Variants in TXK observed in about 807,000 individuals in gnomAD.
TXK encodes the protein TXK tyrosine kinase.
Under a neutral mutation model 81.0 loss-of-function variants are expected in TXK, and 60 were observed. That is an observed-to-expected ratio of 0.74 (90% confidence interval 0.60 to 0.92). TXK has a LOEUF of 0.92. TXK is among the 40% of genes least tolerant of loss of function. The probability of loss-of-function intolerance (pLI) is 0.00; values close to 1 mark genes in which losing one functional copy is unlikely to be tolerated. For synonymous variants in TXK, 203 were observed against 210.7 expected (o/e 0.96, Z 0.32); for missense variants, 581 against 638.3 (o/e 0.91, Z 0.97).
At chr4:48,093,892 C>T (rs1717873594) in intron 8 of TXK, among the ~76,000 whole-genome samples, 185 bp downstream of exon 8, 1 of 152,152 alleles carries the variant, frequency 6.6e-6, no homozygotes, top group African/African-American at 2.4e-5. Flanking sequence ...CTCTTGCCCC[C>T]AACCAACCAG....
chr4:48,092,596 A>C (rs902593644), intron 8 of TXK, among the ~76,000 whole-genome samples: 4 of 67,488 alleles, frequency 5.9e-5, no homozygotes, highest in Non-Finnish European at 1.2e-4. Flanking sequence ...AGCAATGTGT[A>C]AAGGGAGAAA....
chr4:48,094,021 A>T, intron 8 of TXK, 56 bp downstream of exon 8: 1 of 1,608,130 alleles, frequency 6.2e-7, no homozygotes, highest in Non-Finnish European at 8.5e-7. Flanking sequence ...CCAAAGATGC[A>T]TTGCCCATCA....
intron 1 of TXK, among the ~76,000 whole-genome samples, chr4:48,133,685 T>C (rs1719303246): frequency 6.6e-6 from 1 of 152,210 alleles, no homozygotes; most frequent in Admixed American, 6.5e-5. Context: ...ATAAACACAG[T>C]TGTGTTTTGA....
intron 14 of TXK, among the ~76,000 whole-genome samples, chr4:48,068,715 T>G (rs768221848): frequency 1.3e-5 from 2 of 152,200 alleles, no homozygotes; most frequent in Non-Finnish European, 2.9e-5. Flanking sequence ...GATGGCACTG[T>G]CAGCATCTTT....
At chr4:48,107,350 C>A in intron 5 of TXK, among the ~76,000 whole-genome samples, 1 of 151,434 alleles carries the variant, frequency 6.6e-6, no homozygotes, top group South Asian at 2.1e-4. Flanking sequence ...ATCAGAACTC[C>A]ACATTGACAC....
Position 48,067,637 on chromosome 4 carries a change from T to C in TXK, c.1584A>G (p.Ter528TrpextTer37). The change falls in exon 15 of 15, where the codon TGA becomes TGG. Residue 528 changes from the stop codon to tryptophan, a stop_lost. Transcript: ENST00000264316. ...RAVTEIAETW* is the reference protein window; with the variant it reads ...RAVTEIAETWW The stretch of plus-strand genomic sequence containing the variant: ...CTTTGGGTTGGCATTCTGTTTCCGG[T>C]CACCAGGTTTCCGCAATCTCTGTGA... The C allele has an allele frequency of 1.9e-6, 3 of 1,614,072 alleles. No individual in the cohort carries two copies. Among genetic ancestry groups the C allele is most frequent in the Non-Finnish European group, 2.5e-6 (3 of 1,179,968 alleles).
In TXK at chr4:48,094,128, C is replaced by T. The variant is rs948930689; in HGVS notation, c.658G>A (p.Ala220Thr). Reference protein sequence around the residue: ...SGQWYVAERHAFQSIPELIWY... With the variant: ...SGQWYVAERHTFQSIPELIWY... ...ATTAACTCAGGGATTGATTGAAAGG[C>T]GTGTCTTTCAGCCACATACCACTGT... Residue 220 changes from alanine (A) to threonine (T), a missense_variant, in exon 8 of 15, where the codon GCC (alanine) becomes ACC (threonine). Transcript: ENST00000264316. The T allele has an allele frequency of 9.9e-6, 16 of 1,613,652 alleles. No individual in the cohort carries two copies. Among genetic ancestry groups the T allele is most frequent in the East Asian group, 4.5e-5 (2 of 44,886 alleles).
At chr4:48,072,652 C>A (rs1161782897) in intron 13 of TXK, among the ~76,000 whole-genome samples, 1 of 152,164 alleles carries the variant, frequency 6.6e-6, no homozygotes, top group Non-Finnish European at 1.5e-5. Flanking sequence ...TCTGCTGGGG[C>A]CTGGAGATTT....
intron 1 of TXK, among the ~76,000 whole-genome samples, chr4:48,127,891 C>T (rs889963180): frequency 1.3e-5 from 2 of 152,168 alleles, no homozygotes; most frequent in African/African-American, 4.8e-5. Context: ...ATTGACATTC[C>T]TTCCACCCCC....
At chr4:48,122,135 TAA>T (rs1718977822) in intron 1 of TXK, among the ~76,000 whole-genome samples, 2 of 152,146 alleles carry the variant, frequency 1.3e-5, no homozygotes, top group Non-Finnish European at 2.9e-5. Flanking sequence ...TAATTTGTCT[TAA>T]GTCTGATCAT....
chr4:48,126,910 C>CA (rs1259651802), intron 1 of TXK, among the ~76,000 whole-genome samples: 1 of 152,198 alleles, frequency 6.6e-6, no homozygotes, highest in African/African-American at 2.4e-5. Context: ...CACATGGCCA[C>CA]ACCTGATAAT....
chr4:48,122,326 T>C (rs1718982671), intron 1 of TXK, among the ~76,000 whole-genome samples: 3 of 152,164 alleles, frequency 2.0e-5, no homozygotes, highest in Non-Finnish European at 4.4e-5. Flanking sequence ...GCTGGAGCCA[T>C]AGGGCCTGCT....
At chr4:48,100,708 T>G (rs536893173) in intron 6 of TXK, among the ~76,000 whole-genome samples, 2 of 152,340 alleles carry the variant, frequency 1.3e-5, no homozygotes, top group South Asian at 4.1e-4. Flanking sequence ...TACAAACCCA[T>G]ATAAATGGGA....
intron 1 of TXK, among the ~76,000 whole-genome samples, chr4:48,115,280 T>C (rs1718768506): frequency 6.6e-6 from 1 of 152,018 alleles, no homozygotes; most frequent in African/African-American, 2.4e-5. Flanking sequence ...AACTCCCACT[T>C]ATGAGTGAGA....
At chr4:48,123,361 TC>T (rs1489104055) in intron 1 of TXK, among the ~76,000 whole-genome samples, 1 of 152,190 alleles carries the variant, frequency 6.6e-6, no homozygotes, top group East Asian at 1.9e-4. Flanking sequence ...AGAATTATCA[TC>T]TTCCTCACTA....
At chr4:48,107,754 A>G (rs971153393) in intron 5 of TXK, among the ~76,000 whole-genome samples, 1 of 151,604 alleles carries the variant, frequency 6.6e-6, no homozygotes, top group Non-Finnish European at 1.5e-5. Context: ...GTATCATAAC[A>G]CTACGATTTA....
rs544642283 is a variant in TXK, at chr4:48,089,550, C to G, written c.784+200G>C. 6.8e-5 allele frequency: 27 copies of G among 399,458 alleles called. No individual in the cohort carries two copies. The East Asian group carries it at 6.8e-4, about 10-fold the overall frequency. The allele number at this position is 399,458 out of a possible 1,614,324, so 24.7% of individuals were successfully genotyped here. A position where few individuals can be genotyped will look rare whatever the true frequency, so the allele number is the denominator to read the frequency against. On this transcript the variant is annotated intron_variant, in intron 9 of 14. Coordinates refer to ENST00000264316, the MANE Select transcript of TXK (RefSeq NM_003328.3). ...GGATTACAGGCATCCACCACCAAAC[C>G]CGGCTAATTTTTTGTATTTTTAGTA...
intron 13 of TXK, among the ~76,000 whole-genome samples, chr4:48,071,994 C>A (rs1448472776): frequency 6.7e-6 from 1 of 148,676 alleles, no homozygotes; most frequent in South Asian, 2.2e-4. Context: ...CGCTCTGTCG[C>A]CCGGGCTGGA....
chr4:48,108,168 G>A (rs1718522866), intron 5 of TXK, among the ~76,000 whole-genome samples: 1 of 152,106 alleles, frequency 6.6e-6, no homozygotes, highest in Non-Finnish European at 1.5e-5. Context: ...TTCCATAACT[G>A]TATATTTCAG....
Sources: allele counts gnomAD v4.1 joint callset (sites outside exome capture counted in the v4.1 genomes callset), GRCh38; gene constraint gnomAD v4.1.1; transcripts MANE v1.5; gene names NCBI Gene and HGNC (gene_info 2026-07-23, HGNC 2026-07-21).